MAD1L1: variants seen among roughly 807,000 people sequenced by gnomAD.
MAD1L1 encodes the protein mitotic arrest deficient 1 like 1, also known as mitotic spindle assembly checkpoint protein MAD1.
Under a neutral mutation model 96.9 loss-of-function variants are expected in MAD1L1, and 95 were observed. The observed-to-expected ratio is 0.98, with a 90% CI of 0.83 to 1.16. The LOEUF (loss-of-function observed/expected upper bound fraction) is 1.16, where lower values mean the gene tolerates loss of function less well. Among genes scored for constraint, MAD1L1 ranks in the 50% most tolerant of loss-of-function variants. The probability of loss-of-function intolerance (pLI) is 0.00; values close to 1 mark genes in which losing one functional copy is unlikely to be tolerated. For missense variants in MAD1L1, 1,007 were observed against 954.4 expected (o/e 1.06, Z -0.73); for synonymous variants, 473 against 396.6 (o/e 1.19, Z -2.29).
chr7:2,141,628 C>T (rs1303980563), intron 11 of MAD1L1, among the ~76,000 whole-genome samples: 1 of 152,204 alleles, frequency 6.6e-6, no homozygotes, highest in Non-Finnish European at 1.5e-5. Flanking sequence ...CCATGCCCCC[C>T]TTCTCTCTCT....
chr7:1,990,128 C>CGCCAACCTGAT (rs1438235126), intron 14 of MAD1L1, among the ~76,000 whole-genome samples: 2 of 152,242 alleles, frequency 1.3e-5, no homozygotes, highest in Non-Finnish European at 2.9e-5. Flanking sequence ...GCCGCCTCAT[C>CGCCAACCTGAT]GCCAACTCAC....
chr7:2,025,614 G>A (rs949686997), intron 12 of MAD1L1, among the ~76,000 whole-genome samples: 1 of 152,102 alleles, frequency 6.6e-6, no homozygotes, highest in Non-Finnish European at 1.5e-5. Flanking sequence ...TTGCAACACA[G>A]GGGAATAAAA....
rs556727277 is a variant in MAD1L1, at chr7:2,060,203, G to A, written c.1218+8991C>T. ...CCGAGATACACCGATGCCAAGATAC[G>A]CAGATGCCAAGTTACGCCGATGCCG... On this transcript the variant is annotated intron_variant, in intron 12 of 18. Coordinates refer to ENST00000265854, the MANE Select transcript of MAD1L1 (RefSeq NM_001013836.2). Among the ~76,000 whole-genome samples the A allele has an allele frequency of 4.0e-5, 6 of 148,154 alleles. No individual in the cohort carries two copies. The East Asian group carries it at 5.9e-4, about 15-fold the overall frequency.
chr7:1,872,819 A>C (rs949225439), intron 18 of MAD1L1: 1 of 152,178 alleles, frequency 6.6e-6, no homozygotes, highest in African/African-American at 2.4e-5. Context: ...CTGAGATCGA[A>C]CTCCACAGTG....
chr7:1,892,949 C>A (rs1786641320), intron 18 of MAD1L1, among the ~76,000 whole-genome samples: 1 of 152,222 alleles, frequency 6.6e-6, no homozygotes, highest in South Asian at 2.1e-4. Context: ...AGGCTTCCTT[C>A]CCTGGGTTTT....
chr7:2,029,786 C>A (rs1259557293), intron 12 of MAD1L1, among the ~76,000 whole-genome samples: 1 of 151,980 alleles, frequency 6.6e-6, no homozygotes, highest in Non-Finnish European at 1.5e-5. Flanking sequence ...ACACCCAGGG[C>A]AGCAGAAGAG....
intron 17 of MAD1L1, among the ~76,000 whole-genome samples, chr7:1,912,272 G>C (rs1199396830): frequency 6.6e-6 from 1 of 152,244 alleles, no homozygotes; most frequent in African/African-American, 2.4e-5. Flanking sequence ...CTGAGAGACA[G>C]ACAGCAAATG....
At chr7:1,889,957 C>T (rs953761468) in intron 18 of MAD1L1, among the ~76,000 whole-genome samples, 2 of 152,228 alleles carry the variant, frequency 1.3e-5, no homozygotes, top group Non-Finnish European at 2.9e-5. Context: ...GCTGGTGGTG[C>T]CCTGAAGGCT....
chr7:1,927,311 A>AGACT (rs1162217919), intron 17 of MAD1L1, among the ~76,000 whole-genome samples: 1 of 152,254 alleles, frequency 6.6e-6, no homozygotes, highest in Non-Finnish European at 1.5e-5. Flanking sequence ...GATGCTCCCC[A>AGACT]GACTGACTGA....
At chr7:2,207,564 G>A (rs1792663269) in intron 10 of MAD1L1, among the ~76,000 whole-genome samples, 1 of 152,222 alleles carries the variant, frequency 6.6e-6, no homozygotes, top group African/African-American at 2.4e-5. Context: ...AGAGGCTCCT[G>A]GAGGGTGGTG....
At chr7:1,867,484 C>T (rs541293317) in intron 18 of MAD1L1, among the ~76,000 whole-genome samples, 2 of 152,370 alleles carry the variant, frequency 1.3e-5, no homozygotes, top group South Asian at 2.1e-4. Flanking sequence ...CCCTTCTGCT[C>T]GCCCAATCTT....
intron 12 of MAD1L1, among the ~76,000 whole-genome samples, chr7:2,057,541 T>C (rs1584212154): frequency 1.0e-5 from 1 of 97,966 alleles, no homozygotes; most frequent in Non-Finnish European, 2.0e-5. Context: ...AAAGAAGAAG[T>C]TGGGGAATGA....
chr7:1,935,202 C>T (rs1410711683), intron 17 of MAD1L1, among the ~76,000 whole-genome samples: 2 of 152,240 alleles, frequency 1.3e-5, no homozygotes, highest in South Asian at 2.1e-4. Context: ...TCCTCAGCTC[C>T]GAAACTTGCC....
chr7:1,980,595 T>C (rs1400282958), intron 14 of MAD1L1, 54 bp from the exon 15 acceptor site: 2 of 1,462,110 alleles, frequency 1.4e-6, no homozygotes, highest in South Asian at 1.2e-5. Flanking sequence ...CCCAGGTGTG[T>C]GGGGAACCCC....
chr7:1,940,964 G>GCAGGCCTCACCCTCCTCTTCCTCCCC (rs1778942667), intron 16 of MAD1L1, among the ~76,000 whole-genome samples: 1 of 64,326 alleles, frequency 1.6e-5, no homozygotes. Flanking sequence ...TCCTCCCCCC[G>GCAGGCCTCACCCTCCTCTTCCTCCCC]CAGGCCTCAC....
intron 3 of MAD1L1, among the ~76,000 whole-genome samples, chr7:2,225,912 G>A (rs561995012): frequency 3.9e-5 from 6 of 152,310 alleles, no homozygotes; most frequent in East Asian, 1.9e-4. Flanking sequence ...CAATGCAGTC[G>A]GCCAGGACAT....
chr7:2,197,958 C>T (rs1236020441), intron 10 of MAD1L1, among the ~76,000 whole-genome samples: 1 of 152,198 alleles, frequency 6.6e-6, no homozygotes, highest in East Asian at 1.9e-4. Context: ...CATCTCCCTG[C>T]ACCCACAGGG....
intron 12 of MAD1L1, among the ~76,000 whole-genome samples, chr7:2,051,226 G>A (rs1161919100): frequency 6.6e-6 from 1 of 152,182 alleles, no homozygotes; most frequent in African/African-American, 2.4e-5. Context: ...AGCCACCTGT[G>A]CCAGCTGGAT....
At chr7:1,977,276 G>GT (rs1780688818) in intron 15 of MAD1L1, among the ~76,000 whole-genome samples, 1 of 152,262 alleles carries the variant, frequency 6.6e-6, no homozygotes, top group Non-Finnish European at 1.5e-5. Context: ...AGGCGGCTGA[G>GT]GCCCAGTGAG....
Sources: gnomAD v4.1 joint callset for allele counts (sites outside exome capture counted in the v4.1 genomes callset) on GRCh38, gnomAD v4.1.1 for gene constraint, MANE v1.5 for transcripts, NCBI Gene and HGNC (gene_info 2026-07-23, HGNC 2026-07-21) for gene names.